The following CYTH3 variants were observed in gnomAD, a reference collection of about 807,000 sequenced individuals.
The protein encoded by CYTH3 is cytohesin 3.
Under a neutral mutation model 55.1 loss-of-function variants are expected in CYTH3, and 23 were observed. The observed-to-expected ratio is 0.42, with a 90% confidence interval of 0.30 to 0.59. The LOEUF (loss-of-function observed/expected upper bound fraction) is 0.59. Ranked by LOEUF, CYTH3 falls within the 20% of genes least tolerant of loss-of-function variation. CYTH3 has a pLI of 0.20. For synonymous variants in CYTH3, 249 were observed against 194.9 expected (o/e 1.28, Z -2.31); for missense variants, 413 against 524.8 (o/e 0.79, Z 2.08).
chr7:6,224,176 C>A lies in CYTH3; in HGVS notation c.35-33645G>T, dbSNP rs1263441037. 2.0e-5 allele frequency among the ~76,000 whole-genome samples: 3 copies of A among 152,114 alleles called. No individual in the cohort carries two copies. The East Asian group carries it at 5.8e-4, about 29-fold the overall frequency. On this transcript the variant is annotated intron_variant, in intron 1 of 12. Transcript: ENST00000350796. ...GGGACTACAGGTATCCACCACCATG[C>A]CTGGTTAATTCTGCTTCTTAAACAA...
intron 1 of CYTH3, among the ~76,000 whole-genome samples, chr7:6,229,062 GT>G (rs1448092864): frequency 6.6e-6 from 1 of 152,152 alleles, no homozygotes; most frequent in African/African-American, 2.4e-5. Flanking sequence ...GGGAACAGAT[GT>G]TTAACAGCTG....
intron 1 of CYTH3, among the ~76,000 whole-genome samples, chr7:6,229,674 G>A (rs1232207799): frequency 6.7e-5 from 10 of 149,646 alleles, no homozygotes; most frequent in Non-Finnish European, 1.3e-4. Flanking sequence ...AAAATTAGCC[G>A]GGCATGGTGG....
Position 6,259,828 on chromosome 7 carries a change from ATATATTTT to A in CYTH3, c.34+12638_34+12645del, listed in dbSNP as rs1562418292. On this transcript the variant is annotated intron_variant, in intron 1 of 12. Transcript: ENST00000350796. ...ATATATATATAATATATATATATAT[ATATATTTT>A]TTTTTTTTTTTAAGACGGATTTTCG... 1.2e-3 allele frequency among the ~76,000 whole-genome samples: 27 copies of A among 22,878 alleles called. 1 individual carries two copies. The highest frequency in any genetic ancestry group is 7.8e-3 in the African/African-American group (24 of 3,084). 15.0% of individuals were successfully genotyped at this position (22,878 alleles called of 152,430 possible).
At chr7:6,194,793 G>A (rs1783881990) in intron 1 of CYTH3, among the ~76,000 whole-genome samples, 1 of 152,136 alleles carries the variant, frequency 6.6e-6, no homozygotes, top group Non-Finnish European at 1.5e-5. Flanking sequence ...TGGCTAACAT[G>A]GTGAAACCGC....
At chr7:6,200,274 G>A (rs2128546655) in intron 1 of CYTH3, among the ~76,000 whole-genome samples, 1 of 152,218 alleles carries the variant, frequency 6.6e-6, no homozygotes, top group Non-Finnish European at 1.5e-5. Context: ...TATAAATAGT[G>A]ACACCCTGAC....
intron 1 of CYTH3, among the ~76,000 whole-genome samples, chr7:6,195,727 A>AC (rs1173473427): frequency 6.6e-6 from 1 of 151,660 alleles, no homozygotes; most frequent in Non-Finnish European, 1.5e-5. Context: ...TCTCCATTAA[A>AC]CCCCCCAAAT....
chr7:6,186,265 A>C (rs1045218025), intron 4 of CYTH3, among the ~76,000 whole-genome samples: 1 of 141,776 alleles, frequency 7.1e-6, no homozygotes, highest in Admixed American at 7.0e-5. Flanking sequence ...AAAAAAAAAA[A>C]GTGCAGACCG....
intron 1 of CYTH3, among the ~76,000 whole-genome samples, chr7:6,215,178 G>C (rs993773489): frequency 6.6e-6 from 1 of 152,180 alleles, no homozygotes; most frequent in East Asian, 1.9e-4. Flanking sequence ...TCGCAGCTGA[G>C]TAACACCAGA....
intron 1 of CYTH3, among the ~76,000 whole-genome samples, chr7:6,194,761 C>T (rs1249262666): frequency 2.6e-5 from 4 of 152,052 alleles, no homozygotes; most frequent in South Asian, 4.1e-4. Flanking sequence ...CGGATCATGA[C>T]GTCAAGAGAT....
At chr7:6,211,146 G>A (rs1562389764) in intron 1 of CYTH3, among the ~76,000 whole-genome samples, 1 of 152,072 alleles carries the variant, frequency 6.6e-6, no homozygotes, top group Admixed American at 6.5e-5. Context: ...TCTGCCACTG[G>A]GGCACCATCC....
intron 1 of CYTH3, among the ~76,000 whole-genome samples, chr7:6,220,962 C>T (rs1039090330): frequency 1.3e-5 from 2 of 151,982 alleles, no homozygotes; most frequent in Admixed American, 1.3e-4. Context: ...CGCCACTGCA[C>T]TCCAGCCTAG....
At chr7:6,212,238 A>C (rs1314023044) in intron 1 of CYTH3, among the ~76,000 whole-genome samples, 1 of 152,176 alleles carries the variant, frequency 6.6e-6, no homozygotes, top group African/African-American at 2.4e-5. Context: ...TCATGCAGTC[A>C]TTCTGCCTTT....
chr7:6,219,117 T>C (rs570176923), intron 1 of CYTH3, among the ~76,000 whole-genome samples: 2 of 151,832 alleles, frequency 1.3e-5, no homozygotes, highest in East Asian at 1.9e-4. Flanking sequence ...AAGCACACCG[T>C]TGGTAGAAAA....
At chr7:6,264,938 G>A (rs567069211) in intron 1 of CYTH3, among the ~76,000 whole-genome samples, 31 of 152,340 alleles carry the variant, frequency 2.0e-4, no homozygotes, top group Admixed American at 1.8e-3. Flanking sequence ...CAGTAACAAT[G>A]AATGTGATTT....
chr7:6,186,559 A>G (rs1374344883), intron 4 of CYTH3, among the ~76,000 whole-genome samples: 2 of 152,154 alleles, frequency 1.3e-5, no homozygotes, highest in African/African-American at 4.8e-5. Context: ...GTTTTTTCAC[A>G]GACACCTGCT....
chr7:6,204,614 G>T (rs542664369), intron 1 of CYTH3, among the ~76,000 whole-genome samples: 1 of 152,174 alleles, frequency 6.6e-6, no homozygotes, highest in Non-Finnish European at 1.5e-5. Flanking sequence ...ACCCCATCAC[G>T]GCTGAGGATA....
intron 1 of CYTH3, among the ~76,000 whole-genome samples, chr7:6,201,691 TCAA>T (rs1021752692): frequency 7.2e-5 from 11 of 152,054 alleles, no homozygotes; most frequent in Admixed American, 2.0e-4. Flanking sequence ...ACTAAAATGC[TCAA>T]CAACAACAGC....
chr7:6,169,255 C>G lies in CYTH3; in HGVS notation c.823+1280G>C, dbSNP rs1437444832. The stretch of plus-strand genomic sequence containing the variant: ...TATTTTTTTGAGACGAGGTCTCACT[C>G]TGTCGCCGAGGTGGGAGAGCAGTGG... On this transcript the variant is annotated intron_variant, in intron 9 of 12. Coordinates refer to ENST00000350796, the MANE Select transcript of CYTH3 (RefSeq NM_004227.4). The surrounding 1 kb of genome is among the most constrained non-coding windows in gnomAD (Gnocchi z 4.1). Among the ~76,000 whole-genome samples the G allele has an allele frequency of 2.6e-5, 4 of 152,316 alleles. No homozygotes were observed. The South Asian group carries it at 6.2e-4, about 24-fold the overall frequency.
At chr7:6,206,307 A>T (rs1401943011) in intron 1 of CYTH3, among the ~76,000 whole-genome samples, 6 of 152,238 alleles carry the variant, frequency 3.9e-5, no homozygotes, top group Admixed American at 3.9e-4. Context: ...TACAACACAG[A>T]TGAACTGAGA....
Sources: allele counts gnomAD v4.1 joint callset (sites outside exome capture counted in the v4.1 genomes callset), GRCh38; gene constraint gnomAD v4.1.1; non-coding constraint Gnocchi (gnomAD v3.1); transcripts MANE v1.5; gene names NCBI Gene and HGNC (gene_info 2026-07-23, HGNC 2026-07-21).